TTBK2: variants seen among roughly 807,000 people sequenced by gnomAD.
TTBK2 encodes the protein tau-tubulin kinase 2.
In TTBK2, 28 loss-of-function variants were observed where a neutral mutation model predicts 110.8. The observed-to-expected ratio is 0.25, with a 90% CI of 0.19 to 0.35. The LOEUF (loss-of-function observed/expected upper bound fraction) is 0.35, where lower values mean the gene tolerates loss of function less well. Ranked by LOEUF, TTBK2 falls within the 10% of genes least tolerant of loss-of-function variation. The pLI is 1.00. For missense variants in TTBK2, 1,369 were observed against 1,500.3 expected (o/e 0.91, Z 1.45); for synonymous variants, 532 against 527.3 (o/e 1.01, Z -0.12).
intron 13 of TTBK2, among the ~76,000 whole-genome samples, chr15:42,767,390 G>C (rs1889434382): frequency 6.6e-6 from 1 of 152,088 alleles, no homozygotes; most frequent in Non-Finnish European, 1.5e-5. Flanking sequence ...AAAGAAAAGA[G>C]AGAAGAATCA....
At chr15:42,818,612 C>T (rs1275260467) in intron 6 of TTBK2, among the ~76,000 whole-genome samples, 15 of 151,724 alleles carry the variant, frequency 9.9e-5, no homozygotes, top group African/African-American at 3.4e-4. Flanking sequence ...CCCAGCTACT[C>T]GGGAGGCAGA....
At chr15:42,845,760 G>A (rs1893431662) in intron 3 of TTBK2, among the ~76,000 whole-genome samples, 2 of 151,856 alleles carry the variant, frequency 1.3e-5, no homozygotes, top group Non-Finnish European at 2.9e-5. Flanking sequence ...TGCATCCTTG[G>A]GTGATTTAGT....
intron 13 of TTBK2, among the ~76,000 whole-genome samples, chr15:42,755,867 A>G (rs942163876): frequency 6.6e-6 from 1 of 152,236 alleles, no homozygotes; most frequent in Non-Finnish European, 1.5e-5. Context: ...AAGAAATTAT[A>G]TTAAATGTCA....
intron 1 of TTBK2, among the ~76,000 whole-genome samples, chr15:42,896,654 C>T (rs1449454276): frequency 6.6e-6 from 1 of 151,828 alleles, no homozygotes; most frequent in Non-Finnish European, 1.5e-5. Flanking sequence ...ATTAGCCAGG[C>T]ATGGTGGTAC....
At chr15:42,779,144 G>A (rs1241763886) in intron 11 of TTBK2, among the ~76,000 whole-genome samples, 2 of 152,140 alleles carry the variant, frequency 1.3e-5, no homozygotes, top group African/African-American at 2.4e-5. Flanking sequence ...GGCGGCTCAC[G>A]CCTATAATCC....
At chr15:42,862,757 G>A (rs559483494) in intron 3 of TTBK2, among the ~76,000 whole-genome samples, 30 of 152,068 alleles carry the variant, frequency 2.0e-4, no homozygotes, top group Admixed American at 1.4e-3. Flanking sequence ...GCGTGGTGGC[G>A]CATGCCTGTA....
intron 1 of TTBK2, among the ~76,000 whole-genome samples, chr15:42,910,779 C>T (rs556555204): frequency 1.4e-4 from 21 of 152,306 alleles, no homozygotes; most frequent in African/African-American, 5.1e-4. Context: ...GGCGCAGTGG[C>T]TCATGCCTGT....
At chr15:42,765,476 A>C (rs1373559778) in intron 13 of TTBK2, among the ~76,000 whole-genome samples, 1 of 152,238 alleles carries the variant, frequency 6.6e-6, no homozygotes, top group Non-Finnish European at 1.5e-5. Flanking sequence ...TGCATGCACA[A>C]GCTTCAGTAG....
At chr15:42,904,276 G>A (rs1166178573) in intron 1 of TTBK2, among the ~76,000 whole-genome samples, 1 of 152,206 alleles carries the variant, frequency 6.6e-6, no homozygotes, top group Non-Finnish European at 1.5e-5. Context: ...GTAATGGGGT[G>A]ATAGTTTCTC....
Position 42,752,337 on chromosome 15 carries a change from T to G in TTBK2, c.2909A>C (p.Gln970Pro), listed in dbSNP as rs775188866. 6.8e-6 allele frequency: 11 copies of G among 1,614,126 alleles called. No homozygotes were observed. Among genetic ancestry groups the G allele is most frequent in the Non-Finnish European group, 9.3e-6 (11 of 1,180,052 alleles). The stretch of plus-strand genomic sequence containing the variant: ...TAGGTCTGGCTGATAGGCTTTCTTT[T>G]GGAGGAGCTTTTCTTTTGCAGAAAC... ...SPVSAKEKLL[Q>P]KKAYQPDLVK... Residue 970 changes from glutamine to proline, a missense_variant, in exon 14 of 15, where the codon CAA becomes CCA. By Grantham distance (76) the Gln-to-Pro change is moderately conservative (BLOSUM62 -1). Transcript: ENST00000267890.
chr15:42,750,418 C>A (rs1401469284), intron 14 of TTBK2, among the ~76,000 whole-genome samples: 1 of 151,542 alleles, frequency 6.6e-6, no homozygotes, highest in Non-Finnish European at 1.5e-5. Flanking sequence ...GACAGAAAAC[C>A]TAACAAGAAC....
intron 9 of TTBK2, among the ~76,000 whole-genome samples, chr15:42,798,825 G>A (rs1164345301): frequency 6.6e-6 from 1 of 152,184 alleles, no homozygotes; most frequent in Non-Finnish European, 1.5e-5. Flanking sequence ...GTAGGGAAGA[G>A]AAGCAGTTAA....
rs377202784 is a variant in TTBK2, at chr15:42,920,633, T to TGGC, written c.-266_-264dup. 2.5e-5 allele frequency: 4 copies of TGGC among 157,150 alleles called. No homozygotes were observed. Among genetic ancestry groups the TGGC allele is most frequent in the South Asian group, 1.8e-4 (1 of 5,676 alleles). 9.7% of individuals were successfully genotyped at this position (157,150 alleles called of 1,614,324 possible). ...CCCCTGGGGTACCGTCCGCGTTTAC[T>TGGC]GGCGGCGGCGGCGGCGGCTGCTGCT... On this transcript the variant is annotated 5_prime_UTR_variant, in exon 1 of 15. Transcript: ENST00000267890.
chr15:42,885,375 C>A (rs1467340798), intron 1 of TTBK2, among the ~76,000 whole-genome samples: 1 of 152,222 alleles, frequency 6.6e-6, no homozygotes, highest in Non-Finnish European at 1.5e-5. Flanking sequence ...ACCCCTCAAC[C>A]TCTTTCTCCT....
At position 42,810,706 on chromosome 15, in the gene TTBK2, G is replaced by A. The variant is rs372546325; in HGVS notation, c.730C>T (p.His244Tyr). Residue 244 changes from histidine to tyrosine, a missense_variant, in exon 9 of 15, where the codon CAC (histidine) becomes TAC (tyrosine). Transcript: ENST00000267890. Reference protein sequence around the residue: ...QVGSIKERYDHRLMLKHLPPE... With the variant: ...QVGSIKERYDYRLMLKHLPPE... ...GGGAGATGTTTCAACATGAGCCTGT[G>A]GTCATATCTCTCCTTAATAGAGCCT... is the stretch of plus-strand genomic sequence containing the variant. 2.0e-5 allele frequency: 33 copies of A among 1,613,746 alleles called. No homozygotes were observed. The African/African-American group carries it at 4.3e-4, about 21-fold the overall frequency.
chr15:42,904,438 G>C (rs1176822763), intron 1 of TTBK2, among the ~76,000 whole-genome samples: 4 of 152,052 alleles, frequency 2.6e-5, no homozygotes, highest in African/African-American at 9.7e-5. Context: ...CTTGGTGCAA[G>C]AACACTAGAT....
chr15:42,789,282 A>C (rs1890540420), intron 10 of TTBK2, among the ~76,000 whole-genome samples: 1 of 132,414 alleles, frequency 7.6e-6, no homozygotes, highest in Non-Finnish European at 1.6e-5. Context: ...AGTGCTTTAA[A>C]ATATATATAC....
chr15:42,787,270 T>C (rs186732137), intron 10 of TTBK2, among the ~76,000 whole-genome samples: 4 of 152,320 alleles, frequency 2.6e-5, no homozygotes, highest in Admixed American at 1.3e-4. Context: ...CCTTTATAGA[T>C]AAAGCTTGCT....
At chr15:42,891,172 C>CTTTTTT (rs758372860) in intron 1 of TTBK2, among the ~76,000 whole-genome samples, 3 of 125,746 alleles carry the variant, frequency 2.4e-5, no homozygotes, top group African/African-American at 9.1e-5. Flanking sequence ...CCATGCCCGA[C>CTTTTTT]TTTTTTTTTT....
Sources: gnomAD v4.1 joint callset for allele counts (sites outside exome capture counted in the v4.1 genomes callset) on GRCh38, gnomAD v4.1.1 for gene constraint, MANE v1.5 for transcripts, NCBI Gene and HGNC (gene_info 2026-07-23, HGNC 2026-07-21) for gene names.